TTC7B: variants seen among roughly 807,000 people sequenced by gnomAD.
TTC7B encodes the protein tetratricopeptide repeat protein 7B.
TTC7B carries 28 observed loss-of-function variants against 106.8 expected under a neutral mutation model. The observed-to-expected ratio is 0.26, with a 90% CI of 0.19 to 0.36. The LOEUF (loss-of-function observed/expected upper bound fraction) is 0.36. Ranked by LOEUF, TTC7B falls within the 10% of genes least tolerant of loss-of-function variation. The pLI is 1.00. For synonymous variants in TTC7B, 405 were observed against 430.6 expected, an observed-to-expected ratio of 0.94 and a Z score of 0.74; for missense variants, 862 against 1,076.4, an observed-to-expected ratio of 0.80 and a Z score of 2.79.
intron 18 of TTC7B, among the ~76,000 whole-genome samples, chr14:90,589,906 T>C (rs1452492735): frequency 6.6e-6 from 1 of 152,204 alleles, no homozygotes; most frequent in Non-Finnish European, 1.5e-5. Context: ...ATTGGTTAAA[T>C]GATGGTCTAA....
chr14:90,571,366 C>G (rs1891027789), intron 19 of TTC7B, among the ~76,000 whole-genome samples: 3 of 152,142 alleles, frequency 2.0e-5, no homozygotes, highest in Non-Finnish European at 4.4e-5. Flanking sequence ...CTACTTTGTC[C>G]TCGGCACTGT....
rs1161053903 is a variant in TTC7B at position 90,600,361 on chromosome 14, C to T, written c.1967-6735G>A. 6.6e-6 allele frequency among the ~76,000 whole-genome samples: 1 copy of T among 152,136 alleles called. No homozygotes were observed. The highest frequency in any genetic ancestry group is 1.9e-4 in the East Asian group (1 of 5,184). ...CTGCTGCTTCCCTGGGAGCTGCCCT[C>T]GCGCCTTGTGTCCCCCAGTGTGACA... On this transcript the variant is annotated intron_variant, in intron 17 of 19. Coordinates refer to ENST00000328459, the MANE Select transcript of TTC7B (RefSeq NM_001010854.2). The surrounding 1 kb of genome is among the most constrained non-coding windows in gnomAD (Gnocchi z 4.3).
At chr14:90,798,605 G>A (rs373891713) in intron 1 of TTC7B, among the ~76,000 whole-genome samples, 26 of 149,954 alleles carry the variant, frequency 1.7e-4, no homozygotes, top group African/African-American at 6.3e-4. Context: ...AGCTACTGGG[G>A]AGGCTGAGGC....
chr14:90,588,451 A>T (rs1479823421), intron 18 of TTC7B, among the ~76,000 whole-genome samples: 1 of 152,230 alleles, frequency 6.6e-6, no homozygotes, highest in Non-Finnish European at 1.5e-5. Flanking sequence ...AAATTGAAAA[A>T]TGGGCACCAA....
intron 5 of TTC7B, among the ~76,000 whole-genome samples, chr14:90,702,904 G>A (rs1160147523): frequency 1.3e-5 from 2 of 152,184 alleles, no homozygotes; most frequent in African/African-American, 4.8e-5. Flanking sequence ...ACAGATGACC[G>A]CGTGTCTGGC....
chr14:90,613,670 C>T (rs1892958809), intron 16 of TTC7B, among the ~76,000 whole-genome samples: 1 of 152,230 alleles, frequency 6.6e-6, no homozygotes, highest in East Asian at 1.9e-4. Context: ...GTGAACCACC[C>T]ATTTCCTCCT....
intron 5 of TTC7B, among the ~76,000 whole-genome samples, chr14:90,720,717 G>A (rs576936853): frequency 4.6e-5 from 7 of 152,280 alleles, no homozygotes; most frequent in South Asian, 4.2e-4. Context: ...TTTTAGACAC[G>A]AAATTATATA....
Position 90,699,494 on chromosome 14 carries a change from A to G in TTC7B, c.699-3916T>C, listed in dbSNP as rs1472226482. 1.3e-5 allele frequency: 4 copies of G among 316,756 alleles called. No individual in the cohort carries two copies. In the East Asian group the frequency reaches 4.2e-4, roughly 33 times the overall value. The allele number at this position is 316,756 out of a possible 1,614,324, so 19.6% of individuals were successfully genotyped here. ...CAAAATCTGACCTAGGCACCAATAC[A>G]CTTAAATTCAATATCACCTGTCATT... On this transcript the variant is annotated intron_variant, in intron 5 of 19. Transcript: ENST00000328459.
At chr14:90,595,187 G>A (rs1311471669) in intron 17 of TTC7B, among the ~76,000 whole-genome samples, 1 of 152,118 alleles carries the variant, frequency 6.6e-6, no homozygotes, top group Non-Finnish European at 1.5e-5. Flanking sequence ...CAAAAAATTA[G>A]CCAGGCGCGG....
rs1160854205 is a variant in TTC7B at position 90,703,241 on chromosome 14, G to A, written c.699-7663C>T. Among the ~76,000 whole-genome samples the A allele has an allele frequency of 3.9e-5, 6 of 152,146 alleles. No homozygotes were observed. The South Asian group carries it at 1.0e-3, about 26-fold the overall frequency. On this transcript the variant is annotated intron_variant, in intron 5 of 19. Transcript: ENST00000328459. ...TTCGTTTTTAATAGTCCAGAAAAGT[G>A]CAGAAAAAAGACAATCTGGAAGGTA...
intron 3 of TTC7B, among the ~76,000 whole-genome samples, chr14:90,751,050 T>C (rs998241978): frequency 6.6e-6 from 1 of 152,262 alleles, no homozygotes; most frequent in African/African-American, 2.4e-5. Context: ...TGGGAAGCTA[T>C]CATCAATAAT....
chr14:90,685,920 A>G (rs79741822), intron 7 of TTC7B, among the ~76,000 whole-genome samples: 14 of 152,342 alleles, frequency 9.2e-5, no homozygotes, highest in Non-Finnish European at 1.3e-4. Flanking sequence ...AAGTCTACCA[A>G]AGATTTAAAG....
At chr14:90,581,023 C>T (rs374296010) in intron 18 of TTC7B, among the ~76,000 whole-genome samples, 42 of 152,298 alleles carry the variant, frequency 2.8e-4, no homozygotes, top group East Asian at 2.5e-3. Flanking sequence ...TTTGTACCAA[C>T]GACTGACTCC....
intron 6 of TTC7B, among the ~76,000 whole-genome samples, chr14:90,694,191 T>C (rs1321000984): frequency 6.6e-6 from 1 of 152,114 alleles, no homozygotes; most frequent in Non-Finnish European, 1.5e-5. Context: ...TGAGCCAAGA[T>C]TGTGCGATTG....
chr14:90,575,333 C>A lies in TTC7B; in HGVS notation c.2310+2773G>T, dbSNP rs1032930090. On this transcript the variant is annotated intron_variant, in intron 19 of 19. Transcript: ENST00000328459. This position sits in a 1 kb window ranked among gnomAD's most constrained non-coding sequence, Gnocchi z 5.2. Reference sequence around the variant, plus strand: ...AAGAGGGTGAATAACCTGTCCAAGGCCCCACAGCGAATGGGGCCAGAGCTG... The same window carrying A: ...AAGAGGGTGAATAACCTGTCCAAGGACCCACAGCGAATGGGGCCAGAGCTG... Among the ~76,000 whole-genome samples, 2 of 152,244 alleles carry A rather than the reference C, an allele frequency of 1.3e-5. No homozygotes were observed. The highest frequency in any genetic ancestry group is 4.8e-5 in the African/African-American group (2 of 41,462).
chr14:90,746,758 T>C (rs1889980087), intron 3 of TTC7B, among the ~76,000 whole-genome samples: 1 of 152,272 alleles, frequency 6.6e-6, no homozygotes, highest in Non-Finnish European at 1.5e-5. Context: ...CTACAAATTT[T>C]GATATTCAGT....
rs181906136 is a variant in TTC7B, at chr14:90,575,364, C to G, written c.2310+2742G>C. Among the ~76,000 whole-genome samples, 347 of 152,370 alleles carry G rather than the reference C, an allele frequency of 2.3e-3. 2 individuals are homozygous for G. In the South Asian group the frequency reaches 0.023, roughly 10 times the overall value. On this transcript the variant is annotated intron_variant, in intron 19 of 19. Transcript: ENST00000328459. The surrounding 1 kb of genome is among the most constrained non-coding windows in gnomAD (Gnocchi z 5.2). ...AGCGAATGGGGCCAGAGCTGTGATT[C>G]TAACCCAGGCCAGCCTGGCTCCAGG...
chr14:90,783,349 C>T (rs954867121), intron 2 of TTC7B, among the ~76,000 whole-genome samples: 1 of 152,176 alleles, frequency 6.6e-6, no homozygotes, highest in Non-Finnish European at 1.5e-5. Context: ...AGTAGGACAG[C>T]ACACCCATGC....
At chr14:90,771,937 T>C (rs1266434402) in intron 3 of TTC7B, among the ~76,000 whole-genome samples, 1 of 145,482 alleles carries the variant, frequency 6.9e-6, no homozygotes, top group African/African-American at 2.5e-5. Flanking sequence ...TATATATTTA[T>C]ATGTATAAAT....
Sources: gnomAD v4.1 joint callset for allele counts (sites outside exome capture counted in the v4.1 genomes callset) on GRCh38, gnomAD v4.1.1 for gene constraint, Gnocchi (gnomAD v3.1) non-coding constraint, MANE v1.5 for transcripts, NCBI Gene and HGNC (gene_info 2026-07-23, HGNC 2026-07-21) for gene names.